TMEM63A: variants seen among roughly 807,000 people sequenced by gnomAD.
TMEM63A encodes mechanosensitive cation channel TMEM63A.
In TMEM63A, 76 loss-of-function variants were observed where a neutral mutation model predicts 100.6. That is an observed-to-expected ratio of 0.76 (90% CI 0.63 to 0.91). TMEM63A has a LOEUF of 0.91. Ranked by LOEUF, TMEM63A falls within the 40% of genes least tolerant of loss-of-function variation. The pLI is 0.00. For synonymous variants in TMEM63A, 401 were observed against 401.1 expected (o/e 1.00, Z 0.00); for missense variants, 876 against 1,008.8 (o/e 0.87, Z 1.78).
Position 225,871,819 on chromosome 1 carries a change from AG to A in TMEM63A, c.333+167del, listed in dbSNP as rs1258564617. ...CCAGTCTCAAGGTCCCGGGTCATCC[AG>A]CTGCCATCCCTCCTGTGGTATTTCC... On this transcript the variant is annotated intron_variant, in intron 5 of 24. Coordinates refer to ENST00000366835, the MANE Select transcript of TMEM63A (RefSeq NM_014698.3). 100 of 593,540 alleles carry A rather than the reference AG, an allele frequency of 1.7e-4. 1 individual carries two copies. Among genetic ancestry groups the A allele is most frequent in the South Asian group, 1.4e-3 (64 of 45,152 alleles). The allele number at this position is 593,540 out of a possible 1,614,324, so 36.8% of individuals were successfully genotyped here.
Position 225,856,720 on chromosome 1 carries a change from G to C in TMEM63A, c.1503C>G (p.Ile501Met). The change falls in exon 17 of 25, where the codon ATC becomes ATG. Residue 501 changes from isoleucine (I) to methionine (M), a missense_variant. This residue lies in a region of TMEM63A where 487 missense variants were observed against 581.9 expected (regional missense o/e 0.84). Coordinates refer to ENST00000366835, the MANE Select transcript of TMEM63A (RefSeq NM_014698.3). ...SHWTKSGENQ[I>M]MMTKVYIFLI... ...AGAATATGTAGACTTTGGTCATCAT[G>C]ATCTGGTTTTCCCCCGACCTGCAGG... The C allele has an allele frequency of 6.2e-7, 1 of 1,613,912 alleles. No individual in the cohort carries two copies. The highest frequency in any genetic ancestry group is 8.5e-7 in the Non-Finnish European group (1 of 1,179,984).
chr1:225,859,143 A>G, intron 15 of TMEM63A, 53 bp downstream of exon 15: 3 of 1,612,184 alleles, frequency 1.9e-6, no homozygotes, highest in South Asian at 1.1e-5. Flanking sequence ...CCACCCACCA[A>G]GCCCTCTTCT....
At chr1:225,870,475 CAT>C (rs1670456731) in intron 6 of TMEM63A, among the ~76,000 whole-genome samples, 1 of 151,076 alleles carries the variant, frequency 6.6e-6, no homozygotes, top group Non-Finnish European at 1.5e-5. Flanking sequence ...CCCTACACCA[CAT>C]GAGAGGTAAC....
intron 15 of TMEM63A, among the ~76,000 whole-genome samples, chr1:225,858,266 T>C (rs1408929553): frequency 2.6e-5 from 4 of 152,082 alleles, no homozygotes; most frequent in African/African-American, 4.8e-5. Context: ...TGTTATCTCA[T>C]TGATTCATCT....
rs1190553748 is a variant in TMEM63A at position 225,871,132 on chromosome 1, G to C, written c.334-19C>G. ...AGCATCCCTGGAAACGGAGAGAACA[G>C]GGATTAGCTTCCAACATTTGTGTCT... On this transcript the variant is annotated intron_variant, in intron 5 of 24. Transcript: ENST00000366835. 6.2e-7 allele frequency: 1 copy of C among 1,613,058 alleles called. No homozygotes were observed. Among genetic ancestry groups the C allele is most frequent in the Non-Finnish European group, 8.5e-7 (1 of 1,179,250 alleles).
chr1:225,852,072 C>T (rs1001528731), intron 20 of TMEM63A, among the ~76,000 whole-genome samples: 1 of 152,266 alleles, frequency 6.6e-6, no homozygotes. Flanking sequence ...GTGACTCTGG[C>T]ACTGTCTTAC....
chr1:225,859,217 G>A lies in TMEM63A; in HGVS notation c.1356C>T (p.Thr452=). The change falls in exon 15 of 25, where the codon ACC becomes ACT. Residue 452 remains threonine, a synonymous_variant. Coordinates refer to ENST00000366835, the MANE Select transcript of TMEM63A (RefSeq NM_014698.3). ...ILSTMDKFNV[T]KPIHALNNPI... ...TCACATTCAGCGCATGGATGGGTTT[G>A]GTGACATTAAACTTGTCCATGGTGG... is the stretch of plus-strand genomic sequence containing the variant. The A allele has an allele frequency of 6.2e-7, 1 of 1,614,048 alleles. No individual in the cohort carries two copies. The highest frequency in any genetic ancestry group is 8.5e-7 in the Non-Finnish European group (1 of 1,180,014).
intron 2 of TMEM63A, 161 bp from the exon 3 acceptor site, chr1:225,877,755 G>A (rs113187303): frequency 0.019 from 11,382 of 612,716 alleles, 160 homozygotes; most frequent in Non-Finnish European, 0.022. Flanking sequence ...GGACCTCTGC[G>A]TGCCTGGCAG....
At position 225,845,659 on chromosome 1, in the gene TMEM63A, G is replaced by A. The variant is rs932800000; in HGVS notation, c.*1280C>T. ...GGCCCCTCCTTGCTGGCAGAGGCAC[G>A]GGAGGCCTGCTGGGGATGAGGCCAC... is the stretch of plus-strand genomic sequence containing the variant. On this transcript the variant is annotated 3_prime_UTR_variant, in exon 25 of 25. Coordinates refer to ENST00000366835, the MANE Select transcript of TMEM63A (RefSeq NM_014698.3). 2.7e-5 allele frequency: 13 copies of A among 473,106 alleles called. No homozygotes were observed. Among genetic ancestry groups the A allele is most frequent in the African/African-American group, 2.0e-4 (10 of 50,894 alleles). 29.3% of individuals were successfully genotyped at this position (473,106 alleles called of 1,614,324 possible).
downstream of TMEM63A, chr1:225,842,589 T>C (rs1286805488): frequency 1.2e-6 from 1 of 826,230 alleles, no homozygotes; most frequent in South Asian, 1.4e-5. Flanking sequence ...AATTCTATTG[T>C]TGGCTTTCTT....
At chr1:225,878,885 T>TACCCAC in intron 2 of TMEM63A, among the ~76,000 whole-genome samples, 1 of 139,592 alleles carries the variant, frequency 7.2e-6, no homozygotes, top group African/African-American at 2.7e-5. Flanking sequence ...CCTACCTACC[T>TACCCAC]ACACACACAC....
In TMEM63A at chr1:225,846,811, ACTG is replaced by A. The variant is rs1669016908; in HGVS notation, c.*125_*127del. On this transcript the variant is annotated 3_prime_UTR_variant, in exon 25 of 25. Coordinates refer to ENST00000366835, the MANE Select transcript of TMEM63A (RefSeq NM_014698.3). ...GAGGCCTGCCTGTGCTCTCCTCACCACTGCTGGGACCAGAAAAGATGGGCACCT... is the reference window on the plus strand; with the variant it reads ...GAGGCCTGCCTGTGCTCTCCTCACCACTGGGACCAGAAAAGATGGGCACCT... 2.1e-6 allele frequency: 1 copy of A among 481,256 alleles called. No homozygotes were observed. The highest frequency in any genetic ancestry group is 2.0e-5 in the African/African-American group (1 of 50,800). The allele number at this position is 481,256 out of a possible 1,614,324, so 29.8% of individuals were successfully genotyped here.
rs1427341553 is a variant in TMEM63A, at chr1:225,845,953, G to GGCTT, written c.*982_*985dup. The GGCTT allele has an allele frequency of 6.2e-6, 1 of 161,838 alleles. No individual in the cohort carries two copies. The highest frequency in any genetic ancestry group is 1.4e-5 in the Non-Finnish European group (1 of 73,404). The allele number at this position is 161,838 out of a possible 1,614,324, so 10.0% of individuals were successfully genotyped here. A position where few individuals can be genotyped will look rare whatever the true frequency, so the allele number is the denominator to read the frequency against. On this transcript the variant is annotated 3_prime_UTR_variant, in exon 25 of 25. Transcript: ENST00000366835. ...ACCCCCATCCCGCCCCTACTGCACA[G>GGCTT]GCTTGTGCCTTGGTGCCCCCTGGAG...
rs1258465940 is a variant in TMEM63A at position 225,865,896 on chromosome 1, C to G, written c.746+1G>C. The G allele has an allele frequency of 6.2e-7, 1 of 1,613,700 alleles. No homozygotes were observed. The highest frequency in any genetic ancestry group is 8.5e-7 in the Non-Finnish European group (1 of 1,179,884). Reference sequence around the variant, plus strand: ...GCTCCCCTCCCACCCCACCTGCTTACCGGAAGTGGCTCTCCACAGTCTCCT... The same window carrying G: ...GCTCCCCTCCCACCCCACCTGCTTAGCGGAAGTGGCTCTCCACAGTCTCCT... On this transcript the variant is annotated splice_donor_variant, in intron 10 of 24. Coordinates refer to ENST00000366835, the MANE Select transcript of TMEM63A (RefSeq NM_014698.3). LOFTEE classifies it high-confidence loss of function. The surrounding 1 kb of genome is among the most constrained non-coding windows in gnomAD (Gnocchi z 4.6).
At chr1:225,861,050 C>G in intron 13 of TMEM63A, 53 bp from the exon 14 acceptor site, 5 of 1,560,022 alleles carry the variant, frequency 3.2e-6, no homozygotes, top group Non-Finnish European at 4.3e-6. Flanking sequence ...TTACCAAGCA[C>G]ACATGTGGCA....
Position 225,853,555 on chromosome 1 carries a change from G to C in TMEM63A, c.1797+74C>G, listed in dbSNP as rs1419901901. The C allele has an allele frequency of 4.3e-6, 6 of 1,407,950 alleles. No individual in the cohort carries two copies. The Admixed American group carries it at 1.6e-4, about 38-fold the overall frequency. 87.2% of individuals were successfully genotyped at this position (1,407,950 alleles called of 1,614,324 possible). ...ACCCACTAGTGGGGGTAGTGGGGGT[G>C]AGAGGCCCTCGGGTCAGTGAAGGGG... On this transcript the variant is annotated intron_variant, in intron 19 of 24. Transcript: ENST00000366835. The surrounding 1 kb of genome is among the most constrained non-coding windows in gnomAD (Gnocchi z 4.0).
intron 1 of TMEM63A, among the ~76,000 whole-genome samples, chr1:225,879,646 G>A (rs1299384977): frequency 1.3e-5 from 2 of 152,186 alleles, no homozygotes; most frequent in African/African-American, 4.8e-5. Context: ...AGCACCACCT[G>A]TGGCCCCAGC....
At chr1:225,849,309 C>T (rs899560901) in intron 21 of TMEM63A, among the ~76,000 whole-genome samples, 8 of 152,158 alleles carry the variant, frequency 5.3e-5, no homozygotes, top group South Asian at 2.1e-4. Context: ...CTTGCTGGTC[C>T]GTTCCCTCCA....
In TMEM63A at chr1:225,865,593, T is replaced by A. The variant is rs1259175237; in HGVS notation, c.746+304A>T. 1 of 299,914 alleles carries A rather than the reference T, an allele frequency of 3.3e-6. No individual in the cohort carries two copies. Among genetic ancestry groups the A allele is most frequent in the African/African-American group, 2.1e-5 (1 of 47,832 alleles). The allele number at this position is 299,914 out of a possible 1,614,324, so 18.6% of individuals were successfully genotyped here. On this transcript the variant is annotated intron_variant, in intron 10 of 24. Transcript: ENST00000366835. This position sits in a 1 kb window ranked among gnomAD's most constrained non-coding sequence, Gnocchi z 4.6. ...TGCTAAGAACCCCGGGGTCAACAAT[T>A]TTTTCCCCCGTATGCTCTCAAGACG...
Sources: gnomAD v4.1 joint callset for allele counts (sites outside exome capture counted in the v4.1 genomes callset) on GRCh38, gnomAD v4.1.1 for gene constraint, gnomAD v4.1.1 regional missense constraint, Gnocchi (gnomAD v3.1) non-coding constraint, MANE v1.5 for transcripts, NCBI Gene and HGNC (gene_info 2026-07-23, HGNC 2026-07-21) for gene names.